The following TRIM14 variants were observed in gnomAD, a reference collection of about 807,000 sequenced individuals.
TRIM14 encodes tripartite motif-containing protein 14.
Under a neutral mutation model 44.5 loss-of-function variants are expected in TRIM14, and 28 were observed. That is an observed-to-expected ratio of 0.63 (90% CI 0.47 to 0.86). TRIM14 has a LOEUF of 0.86. Among genes scored for constraint, TRIM14 ranks in the 40% least tolerant of loss-of-function variants. TRIM14 has a pLI of 0.00. For synonymous variants in TRIM14, 299 were observed against 269.2 expected, an observed-to-expected ratio of 1.11 and a Z score of -1.08; for missense variants, 607 against 611.1, an observed-to-expected ratio of 0.99 and a Z score of 0.07.
At chr9:98,083,152 TG>T, downstream of TRIM14, 2 of 1,208,006 alleles carry the variant, frequency 1.7e-6, no homozygotes, top group Non-Finnish European at 2.3e-6. Flanking sequence ...TCCAGGGACC[TG>T]GCTGTCATCC....
At chr9:98,049,338 C>CAAA in the TRIM14 span, among the ~76,000 whole-genome samples, 8 of 38,570 alleles carry the variant, frequency 2.1e-4, 2 homozygotes, top group African/African-American at 9.4e-4. Context: ...TGAGACTCTG[C>CAAA]ATAAAAAAAA....
intron 2 of TRIM14, among the ~76,000 whole-genome samples, chr9:98,100,592 T>C (rs1241317211): frequency 6.6e-6 from 1 of 152,054 alleles, no homozygotes; most frequent in Non-Finnish European, 1.5e-5. Flanking sequence ...AAAAAATCAA[T>C]AAAGAGAAAA....
chr9:98,083,366 C>T (rs1829975686), downstream of TRIM14, among the ~76,000 whole-genome samples: 1 of 152,254 alleles, frequency 6.6e-6, no homozygotes, highest in Non-Finnish European at 1.5e-5. Context: ...TGGGTGGCTG[C>T]AGAGAGGGGT....
At chr9:98,091,232 T>C (rs1825982264) in intron 5 of TRIM14, among the ~76,000 whole-genome samples, 1 of 152,222 alleles carries the variant, frequency 6.6e-6, no homozygotes, top group Non-Finnish European at 1.5e-5. Context: ...TCCAACATTA[T>C]GAGATTGGCT....
At chr9:98,103,253 GAA>G (rs980372978) in intron 2 of TRIM14, among the ~76,000 whole-genome samples, 3 of 120,896 alleles carry the variant, frequency 2.5e-5, no homozygotes, top group African/African-American at 9.2e-5. Flanking sequence ...AAGTTCTCCA[GAA>G]AAAAAAAAAA....
At chr9:98,097,250 C>T (rs1342233121) in intron 3 of TRIM14, among the ~76,000 whole-genome samples, 1 of 152,168 alleles carries the variant, frequency 6.6e-6, no homozygotes, top group Non-Finnish European at 1.5e-5. Context: ...AAAGTCTGAA[C>T]TCCATGGCAC....
chr9:98,092,910 C>T (rs1280099071), intron 4 of TRIM14, among the ~76,000 whole-genome samples: 2 of 152,116 alleles, frequency 1.3e-5, no homozygotes, highest in Non-Finnish European at 2.9e-5. Context: ...AGAGGGCTGC[C>T]GGATTCATGA....
At chr9:98,092,440 T>C (rs2118294282) in intron 4 of TRIM14, 2 of 344,426 alleles carry the variant, frequency 5.8e-6, no homozygotes, top group South Asian at 2.2e-5. Context: ...CCCACACCCT[T>C]CCCCCCTTGC....
chr9:98,088,434 A>G (rs1825880136), intron 5 of TRIM14, among the ~76,000 whole-genome samples: 1 of 151,946 alleles, frequency 6.6e-6, no homozygotes, highest in Admixed American at 6.6e-5. Flanking sequence ...CGCTCACTGC[A>G]AGCTCCGCCT....
chr9:98,075,895 C>G (rs1277427760), intron 6 of TRIM14: 2 of 152,142 alleles, frequency 1.3e-5, no homozygotes, highest in Admixed American at 6.5e-5. Context: ...TATAATTTGA[C>G]AGCAAACTGA....
At chr9:98,096,329 G>C (rs1350460535) in intron 3 of TRIM14, among the ~76,000 whole-genome samples, 4 of 152,148 alleles carry the variant, frequency 2.6e-5, no homozygotes, top group African/African-American at 9.7e-5. Flanking sequence ...CCAGAGCGCT[G>C]GAATGGAGCT....
rs532459865 is a variant in TRIM14, at chr9:98,117,231, C to G, written c.207+1751G>C. Among the ~76,000 whole-genome samples the G allele has an allele frequency of 2.6e-5, 4 of 152,148 alleles. No homozygotes were observed. In the East Asian group the frequency reaches 7.7e-4, roughly 29 times the overall value. ...TCTTCGTGATGTTTTTAGTTGACTC[C>G]CCAGTGGAATAGGTTTGGTGTTGTT... On this transcript the variant is annotated intron_variant, in intron 1 of 5. Transcript: ENST00000341469.
Position 98,094,972 on chromosome 9 carries a change from G to C in TRIM14, c.595C>G (p.His199Asp). 2 of 1,614,164 alleles carry C rather than the reference G, an allele frequency of 1.2e-6. No individual in the cohort carries two copies. The highest frequency in any genetic ancestry group is 2.2e-5 in the South Asian group (2 of 91,086). ...QQQMSLGELC[H>D]PVPLSFEPVK... The stretch of plus-strand genomic sequence containing the variant: ...GGCTCAAAGGAGAGGGGCACGGGAT[G>C]GCACAGCTCCCCGAGGCTCATCTGC... The change falls in exon 4 of 6, where the codon CAT becomes GAT. Residue 199 changes from histidine (H) to aspartate (D), a missense_variant. Around this residue, in one of 3 missense-constraint regions of TRIM14, gnomAD observed 246 missense variants for 270.8 expected, o/e 0.91. Transcript: ENST00000341469.
At chr9:98,040,082 G>T in the TRIM14 span, among the ~76,000 whole-genome samples, 120 of 152,028 alleles carry the variant, frequency 7.9e-4, no homozygotes, top group African/African-American at 2.8e-3. Context: ...GGGCTCAAGT[G>T]GTCCTCCTGC....
the TRIM14 span, among the ~76,000 whole-genome samples, chr9:98,056,292 G>A: frequency 6.6e-6 from 1 of 152,208 alleles, no homozygotes. Flanking sequence ...CGCTCCGGAA[G>A]ACTGAGTAAC....
intron 6 of TRIM14, among the ~76,000 whole-genome samples, chr9:98,070,866 ACAAT>A (rs1829309678): frequency 6.7e-6 from 1 of 150,286 alleles, no homozygotes; most frequent in Admixed American, 6.6e-5. Flanking sequence ...GAGTAGCAGC[ACAAT>A]CATAGCTCAT....
chr9:98,105,656 G>A (rs1211927648), intron 2 of TRIM14, among the ~76,000 whole-genome samples: 3 of 152,206 alleles, frequency 2.0e-5, no homozygotes, highest in East Asian at 1.9e-4. Flanking sequence ...GAAACACAGT[G>A]TGAGTGACCT....
intron 6 of TRIM14, among the ~76,000 whole-genome samples, chr9:98,072,512 A>G (rs765079140): frequency 2.0e-5 from 3 of 151,878 alleles, no homozygotes; most frequent in African/African-American, 7.3e-5. Flanking sequence ...CACGGGTTCA[A>G]GCAGTTCTCT....
chr9:98,101,343 G>T (rs192285858), intron 2 of TRIM14, among the ~76,000 whole-genome samples: 1 of 152,112 alleles, frequency 6.6e-6, no homozygotes. Flanking sequence ...GTAAGGGTAT[G>T]TGAAGTAGGG....
Sources: gnomAD v4.1 joint callset for allele counts (sites outside exome capture counted in the v4.1 genomes callset) on GRCh38, gnomAD v4.1.1 for gene constraint, gnomAD v4.1.1 regional missense constraint, MANE v1.5 for transcripts, NCBI Gene and HGNC (gene_info 2026-07-23, HGNC 2026-07-21) for gene names.